Variants in GPC6 observed in about 807,000 individuals in gnomAD.
The protein encoded by GPC6 is glypican-6.
GPC6 carries 14 observed loss-of-function variants against 55.2 expected under a neutral mutation model. The observed-to-expected ratio is 0.25, with a 90% CI of 0.17 to 0.40. The LOEUF (loss-of-function observed/expected upper bound fraction) is 0.40. GPC6 is among the 10% of genes least tolerant of loss of function. The pLI is 1.00. For missense variants in GPC6, 641 were observed against 708.5 expected (o/e 0.90, Z 1.08); for synonymous variants, 278 against 259.6 (o/e 1.07, Z -0.68).
chr13:93,410,709 C>A (rs190892101), intron 1 of GPC6, among the ~76,000 whole-genome samples: 1 of 152,232 alleles, frequency 6.6e-6, no homozygotes, highest in East Asian at 1.9e-4. Context: ...GAAGAAAAAT[C>A]TTATGAAGTG....
Position 93,287,646 on chromosome 13 carries a change from A to G in GPC6, c.160+60030A>G, listed in dbSNP as rs550959677. 7.9e-5 allele frequency among the ~76,000 whole-genome samples: 12 copies of G among 152,250 alleles called. No homozygotes were observed. In the South Asian group the frequency reaches 2.3e-3, roughly 29 times the overall value. On this transcript the variant is annotated intron_variant, in intron 1 of 8. Coordinates refer to ENST00000377047, the MANE Select transcript of GPC6 (RefSeq NM_005708.5). ...TTGCATTTATAAAACACATCAAACT[A>G]TTTTTCAAATATTAGAAGGTGTAAT...
At chr13:94,048,818 G>A (rs972135561) in intron 4 of GPC6, among the ~76,000 whole-genome samples, 1 of 151,980 alleles carries the variant, frequency 6.6e-6, no homozygotes, top group Admixed American at 6.6e-5. Context: ...TCCCACTGTG[G>A]ACCCCATGGC....
chr13:93,538,633 G>C (rs1271030707), intron 1 of GPC6, among the ~76,000 whole-genome samples: 2 of 152,146 alleles, frequency 1.3e-5, no homozygotes, highest in Non-Finnish European at 2.9e-5. Flanking sequence ...GAGGGCTTCC[G>C]CCATATTCCT....
At chr13:93,275,454 T>A (rs887697573) in intron 1 of GPC6, among the ~76,000 whole-genome samples, 1 of 152,190 alleles carries the variant, frequency 6.6e-6, no homozygotes, top group Non-Finnish European at 1.5e-5. Flanking sequence ...TCAAACATAA[T>A]GTAAGTGGGA....
chr13:93,356,240 G>A (rs914345415), intron 1 of GPC6, among the ~76,000 whole-genome samples: 3 of 152,134 alleles, frequency 2.0e-5, no homozygotes, highest in African/African-American at 7.2e-5. Context: ...TAATCTTCTA[G>A]CTCATTAAAA....
At chr13:93,476,156 G>T (rs1204582918) in intron 1 of GPC6, among the ~76,000 whole-genome samples, 1 of 152,134 alleles carries the variant, frequency 6.6e-6, no homozygotes, top group East Asian at 1.9e-4. Flanking sequence ...GAAGTCAGCA[G>T]CACATTTTAA....
intron 1 of GPC6, among the ~76,000 whole-genome samples, chr13:93,521,599 CA>C (rs1881425343): frequency 6.6e-6 from 1 of 151,932 alleles, no homozygotes; most frequent in Non-Finnish European, 1.5e-5. Context: ...GAGGGTGCCC[CA>C]TGGGCTTCCA....
chr13:93,490,470 TTTTTTTTCAAC>T (rs1412044329), intron 1 of GPC6, among the ~76,000 whole-genome samples: 1 of 145,284 alleles, frequency 6.9e-6, no homozygotes, highest in Non-Finnish European at 1.5e-5. Flanking sequence ...CTTTTTTTTT[TTTTTTTTCAAC>T]TTGAGTGATT....
chr13:93,866,418 C>T (rs747724168), intron 3 of GPC6, among the ~76,000 whole-genome samples: 32 of 150,782 alleles, frequency 2.1e-4, no homozygotes, highest in Non-Finnish European at 3.6e-4. Flanking sequence ...CAGTAATGGG[C>T]GTATGTTCAC....
intron 2 of GPC6, among the ~76,000 whole-genome samples, chr13:93,780,910 T>A (rs1325217796): frequency 1.3e-5 from 2 of 152,118 alleles, no homozygotes; most frequent in African/African-American, 2.4e-5. Context: ...ATTACCTACA[T>A]TGTGTAAAGT....
chr13:93,988,843 G>A (rs1353708006), intron 3 of GPC6, among the ~76,000 whole-genome samples: 2 of 151,782 alleles, frequency 1.3e-5, no homozygotes, highest in African/African-American at 4.8e-5. Context: ...TGACATATAG[G>A]GAAACATATA....
chr13:93,416,867 G>A (rs1876720368), intron 1 of GPC6, among the ~76,000 whole-genome samples: 1 of 152,110 alleles, frequency 6.6e-6, no homozygotes. Context: ...AGGCTTGACA[G>A]CTAATAAACA....
At chr13:93,918,687 A>C (rs1435520402) in intron 3 of GPC6, among the ~76,000 whole-genome samples, 1 of 152,194 alleles carries the variant, frequency 6.6e-6, no homozygotes, top group Admixed American at 6.5e-5. Context: ...CAGCTCTGTC[A>C]ACAGGGCTTA....
intron 3 of GPC6, among the ~76,000 whole-genome samples, chr13:93,936,044 A>G (rs1257648254): frequency 1.3e-5 from 2 of 152,216 alleles, no homozygotes; most frequent in Non-Finnish European, 2.9e-5. Context: ...AGACACAAAC[A>G]ACAGTAAAAT....
chr13:94,232,346 G>A (rs1429522060), intron 4 of GPC6, among the ~76,000 whole-genome samples: 1 of 152,130 alleles, frequency 6.6e-6, no homozygotes, highest in Non-Finnish European at 1.5e-5. Flanking sequence ...TGGCACGTGC[G>A]CACACCCCAG....
At chr13:93,940,300 T>C (rs1048087632) in intron 3 of GPC6, among the ~76,000 whole-genome samples, 2 of 152,078 alleles carry the variant, frequency 1.3e-5, no homozygotes, top group African/African-American at 4.8e-5. Flanking sequence ...CTCTAGAATT[T>C]TGTAAAGTTA....
chr13:94,195,831 A>T (rs1889557942), intron 4 of GPC6, among the ~76,000 whole-genome samples: 1 of 152,130 alleles, frequency 6.6e-6, no homozygotes, highest in South Asian at 2.1e-4. Context: ...TACTCACATA[A>T]AGACTGTAGT....
chr13:93,702,963 CTT>C (rs1566494750), intron 2 of GPC6, among the ~76,000 whole-genome samples: 1 of 151,780 alleles, frequency 6.6e-6, no homozygotes, highest in African/African-American at 2.4e-5. Context: ...TCATTCGTGT[CTT>C]TATTGGAGTA....
intron 2 of GPC6, among the ~76,000 whole-genome samples, chr13:93,792,934 G>A (rs1210104530): frequency 1.3e-5 from 2 of 152,068 alleles, no homozygotes; most frequent in Non-Finnish European, 2.9e-5. Context: ...CTAGCCATGC[G>A]ACCCTGACAA....
Sources: gnomAD v4.1 joint callset for allele counts (sites outside exome capture counted in the v4.1 genomes callset) on GRCh38, gnomAD v4.1.1 for gene constraint, MANE v1.5 for transcripts, NCBI Gene and HGNC (gene_info 2026-07-23, HGNC 2026-07-21) for gene names.